Variants in EGLN1 observed in about 807,000 individuals in gnomAD.
EGLN1 encodes egl-9 family hypoxia inducible factor 1.
Under a neutral mutation model 38.3 loss-of-function variants are expected in EGLN1, and 17 were observed. That is an observed-to-expected ratio of 0.44 (90% CI 0.30 to 0.67). EGLN1 has a LOEUF of 0.67. Among genes scored for constraint, EGLN1 ranks in the 30% least tolerant of loss-of-function variants. The probability of loss-of-function intolerance (pLI) is 0.08; values close to 1 mark genes in which losing one functional copy is unlikely to be tolerated. For missense variants in EGLN1, 477 were observed against 603.3 expected (o/e 0.79, Z 2.19); for synonymous variants, 283 against 257.5 (o/e 1.10, Z -0.95).
Position 231,421,883 on chromosome 1 carries a change from G to A in EGLN1, c.6C>T (p.Ala2=), listed in dbSNP as rs2102948442. The change falls in exon 1 of 5, where the codon GCC becomes GCT. Residue 2 remains alanine (A), a synonymous_variant. Coordinates refer to ENST00000366641, the MANE Select transcript of EGLN1 (RefSeq NM_022051.3). The surrounding 1 kb of genome is among the most constrained non-coding windows in gnomAD (Gnocchi z 5.5). ...GCCCGCCGGGCCCGCCGCTGTCATTGGCCATGGCGGCGGCGGCGGCGGCGA... is the reference window on the plus strand; with the variant it reads ...GCCCGCCGGGCCCGCCGCTGTCATTAGCCATGGCGGCGGCGGCGGCGGCGA... M[A]NDSGGPGGPS... 6.9e-7 allele frequency: 1 copy of A among 1,449,758 alleles called. No homozygotes were observed. 89.8% of individuals were successfully genotyped at this position (1,449,758 alleles called of 1,614,324 possible). A position where few individuals can be genotyped will look rare whatever the true frequency, so the allele number is the denominator to read the frequency against.
At chr1:231,397,999 G>A (rs1235544703) in intron 1 of EGLN1, among the ~76,000 whole-genome samples, 3 of 152,190 alleles carry the variant, frequency 2.0e-5, no homozygotes, top group African/African-American at 7.2e-5. Flanking sequence ...GGACTGTATT[G>A]ATAACACATG....
chr1:231,406,165 C>CAAAAAAAA (rs5781651), intron 1 of EGLN1, among the ~76,000 whole-genome samples: 2 of 139,088 alleles, frequency 1.4e-5, no homozygotes, highest in Non-Finnish European at 3.1e-5. Flanking sequence ...GACTCCGTCT[C>CAAAAAAAA]AAAAAAAAAA....
At chr1:231,387,218 C>T (rs180834263) in intron 1 of EGLN1, among the ~76,000 whole-genome samples, 5 of 139,816 alleles carry the variant, frequency 3.6e-5, no homozygotes, top group South Asian at 2.3e-4. Context: ...AAAATAACAC[C>T]GGCATGCTAT....
In EGLN1 at chr1:231,406,165, C is replaced by CAAAAAAAAAAAAAA. The variant is rs5781651; in HGVS notation, c.891+14819_891+14832dup. Among the ~76,000 whole-genome samples the CAAAAAAAAAAAAAA allele has an allele frequency of 8.8e-4, 123 of 139,072 alleles. 1 individual carries two copies. Among genetic ancestry groups the CAAAAAAAAAAAAAA allele is most frequent in the African/African-American group, 3.2e-3 (110 of 34,836 alleles). The allele number at this position is 139,072 out of a possible 152,430, so 91.2% of individuals were successfully genotyped here. A position where few individuals can be genotyped will look rare whatever the true frequency, so the allele number is the denominator to read the frequency against. On this transcript the variant is annotated intron_variant, in intron 1 of 4. Transcript: ENST00000366641. The stretch of plus-strand genomic sequence containing the variant: ...CGACAGAGCCAGAGAGACTCCGTCT[C>CAAAAAAAAAAAAAA]AAAAAAAAAAAAAATTTCAGGTTAA...
rs1240228573 is a variant in EGLN1 at position 231,421,751 on chromosome 1, G to A, written c.138C>T (p.His46=). ...CRSSFYCCKE[H]QRQDWKKHKL... ...TGTGCTTCTTCCAGTCCTGACGCTG[G>A]TGCTCCTTGCAGCAGTAGAAGGAGC... The change falls in exon 1 of 5, where the codon CAC becomes CAT. Residue 46 remains histidine (H), a synonymous_variant. Transcript: ENST00000366641. The surrounding 1 kb of genome is among the most constrained non-coding windows in gnomAD (Gnocchi z 5.5). 3 of 1,550,906 alleles carry A rather than the reference G, an allele frequency of 1.9e-6. No homozygotes were observed. In the African/African-American group the frequency reaches 4.2e-5, roughly 22 times the overall value.
intron 1 of EGLN1, among the ~76,000 whole-genome samples, chr1:231,409,011 A>C (rs1175430897): frequency 1.4e-5 from 2 of 147,500 alleles, no homozygotes; most frequent in Admixed American, 6.7e-5. Flanking sequence ...GAAAGATACA[A>C]AAAGAAAAAA....
chr1:231,409,287 A>G (rs1688874057), intron 1 of EGLN1, among the ~76,000 whole-genome samples: 1 of 151,718 alleles, frequency 6.6e-6, no homozygotes, highest in Non-Finnish European at 1.5e-5. Context: ...CCTGCAGACC[A>G]AGTTAGGTCT....
chr1:231,399,102 AAT>A (rs1407221397), intron 1 of EGLN1, among the ~76,000 whole-genome samples: 2 of 152,220 alleles, frequency 1.3e-5, no homozygotes, highest in Admixed American at 1.3e-4. Context: ...TAACTAGAGA[AAT>A]AGAGTTAGGC....
In EGLN1 at chr1:231,388,375, T is replaced by G. The variant is rs116984435; in HGVS notation, c.892-14276A>C. On this transcript the variant is annotated intron_variant, in intron 1 of 4. Coordinates refer to ENST00000366641, the MANE Select transcript of EGLN1 (RefSeq NM_022051.3). ...ACGGTGAAATGTGAGCTGGGCAAAC[T>G]AACATTAATAGTTAGTTTCTCTATG... 7.3e-3 allele frequency among the ~76,000 whole-genome samples: 1,113 copies of G among 152,318 alleles called. 8 individuals carry two copies. The highest frequency in any genetic ancestry group is 0.011 in the South Asian group (52 of 4,826).
Position 231,421,479 on chromosome 1 carries a change from G to A in EGLN1, c.410C>T (p.Ala137Val). 7.2e-7 allele frequency: 1 copy of A among 1,396,746 alleles called. No homozygotes were observed. Among genetic ancestry groups the A allele is most frequent in the Non-Finnish European group, 9.3e-7 (1 of 1,077,370 alleles). 86.5% of individuals were successfully genotyped at this position (1,396,746 alleles called of 1,614,324 possible). The change falls in exon 1 of 5, where the codon GCG becomes GTG. Residue 137 changes from alanine (A) to valine (V), a missense_variant. Transcript: ENST00000366641. The surrounding 1 kb of genome is among the most constrained non-coding windows in gnomAD (Gnocchi z 5.5). ...CRAAAGGQGS[A>V]VAAEAEPGKE... ...GCCGGGCTCGGCTTCGGCAGCCACCGCCGAGCCCTGGCCGCCGGCGGCCGC... is the reference window on the plus strand; with the variant it reads ...GCCGGGCTCGGCTTCGGCAGCCACCACCGAGCCCTGGCCGCCGGCGGCCGC...
Position 231,421,044 on chromosome 1 carries a change from T to G in EGLN1, c.845A>C (p.His282Pro). ...LMSSMDDLIR[H>P]CNGKLGSYKI... ...GTAGCTGCCCAGCTTCCCGTTACAG[T>G]GGCGTATCAGGTCGTCCATGCTGCT... is the stretch of plus-strand genomic sequence containing the variant. The change falls in exon 1 of 5, where the codon CAC becomes CCC. Residue 282 changes from histidine to proline, a missense_variant. Physicochemically the swap from His to Pro is moderately conservative, Grantham distance 77. Coordinates refer to ENST00000366641, the MANE Select transcript of EGLN1 (RefSeq NM_022051.3). This position sits in a 1 kb window ranked among gnomAD's most constrained non-coding sequence, Gnocchi z 5.5. The G allele has an allele frequency of 6.2e-7, 1 of 1,614,046 alleles. No homozygotes were observed. The highest frequency in any genetic ancestry group is 8.5e-7 in the Non-Finnish European group (1 of 1,180,018).
At chr1:231,395,520 C>G (rs1572036872) in intron 1 of EGLN1, among the ~76,000 whole-genome samples, 1 of 152,216 alleles carries the variant, frequency 6.6e-6, no homozygotes, top group African/African-American at 2.4e-5. Flanking sequence ...GCCTCATTTC[C>G]TGTTCCACAC....
intron 1 of EGLN1, among the ~76,000 whole-genome samples, chr1:231,401,447 G>A (rs1270203497): frequency 6.6e-6 from 1 of 152,142 alleles, no homozygotes; most frequent in Non-Finnish European, 1.5e-5. Flanking sequence ...AGCAATTATA[G>A]TCTAGAAATT....
intron 1 of EGLN1, among the ~76,000 whole-genome samples, chr1:231,384,041 G>A (rs1400383017): frequency 1.3e-5 from 2 of 152,054 alleles, no homozygotes; most frequent in African/African-American, 4.8e-5. Flanking sequence ...GAAATAAAAG[G>A]TTATGGACAC....
intron 1 of EGLN1, among the ~76,000 whole-genome samples, chr1:231,389,408 A>C (rs1208970828): frequency 6.7e-6 from 1 of 149,640 alleles, no homozygotes; most frequent in Non-Finnish European, 1.5e-5. Flanking sequence ...GACAAAATGA[A>C]AAAAAATTTT....
intron 1 of EGLN1, among the ~76,000 whole-genome samples, chr1:231,382,937 A>G (rs946668099): frequency 1.3e-5 from 2 of 151,956 alleles, no homozygotes; most frequent in African/African-American, 4.8e-5. Context: ...ACACGCCTGT[A>G]ATCCCAGCTA....
At chr1:231,415,127 T>C (rs1251361514) in intron 1 of EGLN1, among the ~76,000 whole-genome samples, 1 of 152,022 alleles carries the variant, frequency 6.6e-6, no homozygotes, top group Non-Finnish European at 1.5e-5. Context: ...TAAGAAATTA[T>C]CCAGGTGTGG....
intron 1 of EGLN1, among the ~76,000 whole-genome samples, chr1:231,379,712 G>A (rs1299530772): frequency 6.6e-6 from 1 of 152,150 alleles, no homozygotes; most frequent in African/African-American, 2.4e-5. Flanking sequence ...GGATGTGGGA[G>A]GAAACTGGAG....
In EGLN1 at chr1:231,366,484, TAAA is replaced by T; in HGVS notation, c.1217-12_1217-10del. The T allele has an allele frequency of 3.3e-6, 4 of 1,222,012 alleles. No individual in the cohort carries two copies. The highest frequency in any genetic ancestry group is 3.4e-6 in the Non-Finnish European group (3 of 874,854). 75.7% of individuals were successfully genotyped at this position (1,222,012 alleles called of 1,614,324 possible). A position where few individuals can be genotyped will look rare whatever the true frequency, so the allele number is the denominator to read the frequency against. Reference sequence around the variant, plus strand: ...CCTCACACCTTTTTCACCTGCAAGGTAAAAAAAAAAAAAATTTTCATTCATTCA... The same window carrying T: ...CCTCACACCTTTTTCACCTGCAAGGTAAAAAAAAAAATTTTCATTCATTCA... On this transcript the variant is annotated splice_polypyrimidine_tract_variant and intron_variant, in intron 4 of 4. Transcript: ENST00000366641.
Sources: allele counts gnomAD v4.1 joint callset (sites outside exome capture counted in the v4.1 genomes callset), GRCh38; gene constraint gnomAD v4.1.1; non-coding constraint Gnocchi (gnomAD v3.1); transcripts MANE v1.5; gene names NCBI Gene and HGNC (gene_info 2026-07-23, HGNC 2026-07-21).